ACP6: variants seen among roughly 807,000 people sequenced by gnomAD.
ACP6 encodes the protein lysophosphatidic acid phosphatase type 6.
A neutral mutation model predicts 48.1 loss-of-function variants in ACP6; 48 were observed. The ratio of observed to expected loss-of-function variants is 1.00; its 90% CI spans 0.79 to 1.27. ACP6 has a LOEUF of 1.27. ACP6 is among the 50% of genes most tolerant of loss of function. ACP6 has a pLI of 0.00. For synonymous variants in ACP6, 172 were observed against 204.2 expected, an observed-to-expected ratio of 0.84 and a Z score of 1.34; for missense variants, 485 against 529.1, an observed-to-expected ratio of 0.92 and a Z score of 0.82.
Position 147,659,526 on chromosome 1 carries a change from C to A in ACP6, c.349G>T (p.Gly117Trp), listed in dbSNP as rs782488386. The A allele has an allele frequency of 6.2e-6, 10 of 1,613,374 alleles. 1 individual carries two copies. The highest frequency in any genetic ancestry group is 1.6e-4 in the Middle Eastern group (1 of 6,084). ...GTCAGCTGCCCAGCAAACATGCCCC[C>A]CTAAAGTAGGGAAGAAAGAGAAAGA... ...DSQYHETTLK[G>W]GMFAGQLTKV... Residue 117 changes from glycine to tryptophan, a missense_variant and splice_region_variant, in exon 3 of 10, where the codon GGG becomes TGG. Physicochemically the swap from Gly to Trp is radical, Grantham distance 184. Coordinates refer to ENST00000583509, the MANE Select transcript of ACP6 (RefSeq NM_016361.5).
At position 147,648,323 on chromosome 1, in the gene ACP6, C is replaced by T. The variant is rs782079243; in HGVS notation, c.1066G>A (p.Ala356Thr). 2.6e-5 allele frequency: 42 copies of T among 1,614,150 alleles called. 1 individual carries two copies. In the Admixed American group the frequency reaches 6.2e-4, roughly 24 times the overall value. ...TAAAGTTCCATGGTCAGGTCAACAG[C>T]AAACGGTGGCCATTTGTGGTCAAAA... ...GIFDHKWPPF[A>T]VDLTMELYQH... Residue 356 changes from alanine to threonine, a missense_variant, in exon 9 of 10, where the codon GCT (alanine) becomes ACT (threonine). Coordinates refer to ENST00000583509, the MANE Select transcript of ACP6 (RefSeq NM_016361.5).
chr1:147,654,178 C>A lies in ACP6; in HGVS notation c.780+16G>T. On this transcript the variant is annotated intron_variant, in intron 6 of 9. Transcript: ENST00000583509. ...ACCAAGGCTATTATCCCAGGCTCCC[C>A]AACCCCAGGACTCACCTGCTCGGCA... 2 of 1,612,200 alleles carry A rather than the reference C, an allele frequency of 1.2e-6. No homozygotes were observed. Among genetic ancestry groups the A allele is most frequent in the South Asian group, 1.1e-5 (1 of 90,720 alleles).
chr1:147,659,772 C>T lies in ACP6; in HGVS notation c.223G>A (p.Glu75Lys). Residue 75 changes from glutamate (E) to lysine (K), a missense_variant, in exon 2 of 10, where the codon GAG (glutamate) becomes AAG (lysine). Coordinates refer to ENST00000583509, the MANE Select transcript of ACP6 (RefSeq NM_016361.5). ...LKPLPLEEQV[E>K]WNPQLLEVPP... ...ACCTCTAATAGCTGGGGGTTCCACT[C>T]TACCTGTTAGTACAAAAAAAACACA... The T allele has an allele frequency of 6.2e-7, 1 of 1,613,528 alleles. No homozygotes were observed. The highest frequency in any genetic ancestry group is 8.5e-7 in the Non-Finnish European group (1 of 1,179,942).
chr1:147,656,394 A>C (rs1553211625), intron 4 of ACP6, among the ~76,000 whole-genome samples: 3 of 152,196 alleles, frequency 2.0e-5, no homozygotes, highest in African/African-American at 7.2e-5. Context: ...TGGAGATCGA[A>C]AGCATAGTCC....
chr1:147,641,367 G>A (rs1159376802), downstream of ACP6, among the ~76,000 whole-genome samples: 1 of 152,194 alleles, frequency 6.6e-6, no homozygotes, highest in Non-Finnish European at 1.5e-5. Context: ...AACTGTTACA[G>A]GGGAATAGGC....
downstream of ACP6, among the ~76,000 whole-genome samples, chr1:147,638,910 G>A (rs1375646167): frequency 1.3e-5 from 2 of 152,180 alleles, no homozygotes; most frequent in African/African-American, 4.8e-5. Flanking sequence ...AGGCTAGAGT[G>A]CAGTGGCACG....
At chr1:147,654,763 G>C (rs1660151782) in intron 5 of ACP6, among the ~76,000 whole-genome samples, 1 of 152,150 alleles carries the variant, frequency 6.6e-6, no homozygotes, top group Non-Finnish European at 1.5e-5. Context: ...GTGTCTTGTT[G>C]GGCTTGTACA....
At chr1:147,656,852 T>C (rs1660283416) in intron 4 of ACP6, among the ~76,000 whole-genome samples, 1 of 152,118 alleles carries the variant, frequency 6.6e-6, no homozygotes, top group Non-Finnish European at 1.5e-5. Flanking sequence ...AAAAGAACAA[T>C]ACAAAATAAC....
chr1:147,639,996 A>G (rs1659406872), downstream of ACP6, among the ~76,000 whole-genome samples: 1 of 152,076 alleles, frequency 6.6e-6, no homozygotes, highest in South Asian at 2.1e-4. Flanking sequence ...TCTGTACAAC[A>G]CAGAGCAACT....
intron 8 of ACP6, chr1:147,649,897 A>G: frequency 3.9e-6 from 2 of 515,936 alleles, no homozygotes; most frequent in Non-Finnish European, 6.7e-6. Flanking sequence ...TGTTTGACAT[A>G]TCTTCAATTA....
intron 5 of ACP6, among the ~76,000 whole-genome samples, chr1:147,632,162 C>T (rs1327787852): frequency 6.6e-6 from 1 of 150,638 alleles, no homozygotes; most frequent in Non-Finnish European, 1.5e-5. Context: ...GAGGTCTTCT[C>T]TGAGTACCCT....
Position 147,644,788 on chromosome 1 carries a change from G to C in ACP6, c.*2635C>G, listed in dbSNP as rs1286607899. 2 of 152,216 alleles carry C rather than the reference G, an allele frequency of 1.3e-5. No individual in the cohort carries two copies. Among genetic ancestry groups the C allele is most frequent in the African/African-American group, 2.4e-5 (1 of 41,444 alleles). The allele number at this position is 152,216 out of a possible 1,614,324, so 9.4% of individuals were successfully genotyped here. A position where few individuals can be genotyped will look rare whatever the true frequency, so the allele number is the denominator to read the frequency against. On this transcript the variant is annotated 3_prime_UTR_variant, in exon 10 of 10. Transcript: ENST00000583509. Reference sequence around the variant, plus strand: ...CTAGATGGGAAAGCCTGTGGAAGGAGTAAGTTTGAAAAGGCACGGAAATTG... The same window carrying C: ...CTAGATGGGAAAGCCTGTGGAAGGACTAAGTTTGAAAAGGCACGGAAATTG...
At chr1:147,650,109 T>A in intron 8 of ACP6, 34 bp downstream of exon 8, 1 of 1,583,916 alleles carries the variant, frequency 6.3e-7, no homozygotes, top group Non-Finnish European at 8.6e-7. Flanking sequence ...CCACGGCCCT[T>A]AGCTGCACAA....
chr1:147,662,010 A>G (rs1471102448), intron 1 of ACP6, among the ~76,000 whole-genome samples: 4 of 152,238 alleles, frequency 2.6e-5, no homozygotes, highest in African/African-American at 9.6e-5. Flanking sequence ...ACAGCCCTTA[A>G]GAATTATGCT....
chr1:147,657,699 G>A (rs976592984), intron 4 of ACP6, among the ~76,000 whole-genome samples: 1 of 152,100 alleles, frequency 6.6e-6, no homozygotes, highest in Admixed American at 6.5e-5. Flanking sequence ...GATTACAAGC[G>A]TGAACTACTG....
At chr1:147,631,993 G>A (rs1468329924) in intron 5 of ACP6, among the ~76,000 whole-genome samples, 4 of 151,910 alleles carry the variant, frequency 2.6e-5, no homozygotes, top group Admixed American at 2.0e-4. Context: ...TGCTCCAGCC[G>A]AACCATGCTA....
intron 5 of ACP6, among the ~76,000 whole-genome samples, chr1:147,635,880 A>G (rs1202801675): frequency 1.3e-5 from 2 of 152,224 alleles, no homozygotes; most frequent in African/African-American, 4.8e-5. Flanking sequence ...GAAATGATCT[A>G]GCCCACCTCT....
chr1:147,659,012 A>C lies in ACP6; in HGVS notation c.507T>G (p.Asn169Lys), dbSNP rs1553212193. The C allele has an allele frequency of 6.2e-7, 1 of 1,611,992 alleles. No homozygotes were observed. The highest frequency in any genetic ancestry group is 8.5e-7 in the Non-Finnish European group (1 of 1,179,238). ...CCAGCAAACAACGGGTGGACTCCAG[A>C]TTCCGAAAAATGTTAGTGGAACGAA... ...VFIRSTNIFR[N>K]LESTRCLLAG... Residue 169 changes from asparagine (N) to lysine (K), a missense_variant, in exon 4 of 10, where the codon AAT (asparagine) becomes AAG (lysine). By Grantham distance (94) the Asn-to-Lys change is moderately conservative (BLOSUM62 0). Transcript: ENST00000583509.
intron 5 of ACP6, among the ~76,000 whole-genome samples, chr1:147,633,249 T>G (rs587732950): frequency 4.6e-5 from 7 of 152,316 alleles, no homozygotes; most frequent in African/African-American, 1.7e-4. Flanking sequence ...CTTCAGATAG[T>G]TGAAAACAGT....
Sources: gnomAD v4.1 joint callset for allele counts (sites outside exome capture counted in the v4.1 genomes callset) on GRCh38, gnomAD v4.1.1 for gene constraint, MANE v1.5 for transcripts, NCBI Gene and HGNC (gene_info 2026-07-23, HGNC 2026-07-21) for gene names.